Variants in PRDM1 observed in about 807,000 individuals in gnomAD.
The protein encoded by PRDM1 is PR/SET domain 1.
PRDM1 carries 13 observed loss-of-function variants against 62.8 expected under a neutral mutation model. The ratio of observed to expected loss-of-function variants is 0.21; its 90% CI spans 0.13 to 0.33. The LOEUF is 0.33. Among genes scored for constraint, PRDM1 ranks in the 10% least tolerant of loss-of-function variants. The pLI, the probability that PRDM1 is intolerant of heterozygous loss-of-function variation, is 1.00. For missense variants in PRDM1, 895 were observed against 1,058.8 expected (o/e 0.85, Z 2.15); for synonymous variants, 396 against 417.6 (o/e 0.95, Z 0.63).
chr6:106,021,295 T>C (rs1772693792), intron 1 of PRDM1, among the ~76,000 whole-genome samples: 1 of 152,172 alleles, frequency 6.6e-6, no homozygotes, highest in Non-Finnish European at 1.5e-5. Context: ...CCTTCCCTAC[T>C]CTTATTCCAA....
intron 1 of PRDM1, among the ~76,000 whole-genome samples, chr6:106,077,312 G>C (rs1773619656): frequency 6.6e-6 from 1 of 152,212 alleles, no homozygotes; most frequent in Non-Finnish European, 1.5e-5. Context: ...TGGGTTTTCA[G>C]ATACCGATGA....
chr6:106,027,376 T>C (rs1224103106), intron 1 of PRDM1, among the ~76,000 whole-genome samples: 1 of 152,234 alleles, frequency 6.6e-6, no homozygotes, highest in East Asian at 1.9e-4. Flanking sequence ...TCACCAAAGA[T>C]GTGCTCTTCT....
intron 1 of PRDM1, among the ~76,000 whole-genome samples, chr6:106,069,770 T>C (rs1171887164): frequency 6.6e-6 from 1 of 152,212 alleles, no homozygotes; most frequent in Non-Finnish European, 1.5e-5. Context: ...TCTCGTGTGC[T>C]CCACTGTAAA....
rs138723871 is a variant in PRDM1, at chr6:106,080,156, G to A, written c.-66-8045G>A. The stretch of plus-strand genomic sequence containing the variant: ...ACTCTGCCTAGCTGGTGGTGGCAGC[G>A]TAATTAGTGAGATGTCAGCTACAAA... On this transcript the variant is annotated intron_variant, in intron 1 of 6. Coordinates refer to the PRDM1 transcript ENST00000651185. 2.0e-3 allele frequency among the ~76,000 whole-genome samples: 307 copies of A among 152,322 alleles called. 2 individuals carry two copies. The highest frequency in any genetic ancestry group is 6.9e-3 in the African/African-American group (288 of 41,554).
rs73772577 is a variant in PRDM1, at chr6:106,069,569, G to A, written c.-66-18632G>A. ...ATTTGAAGATTTAGATGACGGCATCGCCTCACTCTTCTATGGTTTGGCAGC... is the reference window on the plus strand; with the variant it reads ...ATTTGAAGATTTAGATGACGGCATCACCTCACTCTTCTATGGTTTGGCAGC... On this transcript the variant is annotated intron_variant, in intron 1 of 6. Transcript: ENST00000651185. Among the ~76,000 whole-genome samples, 750 of 152,270 alleles carry A rather than the reference G, an allele frequency of 4.9e-3. 6 individuals are homozygous for A. The highest frequency in any genetic ancestry group is 0.017 in the African/African-American group (722 of 41,558).
At chr6:106,052,209 T>TCAGTTATTATAATATTGC (rs1554201386) in intron 1 of PRDM1, among the ~76,000 whole-genome samples, 1 of 2,022 alleles carries the variant, frequency 4.9e-4, no homozygotes, top group African/African-American at 2.3e-3. Flanking sequence ...TAAAGAAATA[T>TCAGTTATTATAATATTGC]TCAAAGACAT....
At chr6:106,090,390 G>T (rs941645923) in intron 2 of PRDM1, among the ~76,000 whole-genome samples, 5 of 152,120 alleles carry the variant, frequency 3.3e-5, no homozygotes, top group Admixed American at 2.0e-4. Context: ...TCCCTATCTT[G>T]CATTTAACTG....
intron 1 of PRDM1, among the ~76,000 whole-genome samples, chr6:106,051,275 T>C (rs1343296283): frequency 2.0e-5 from 3 of 152,206 alleles, no homozygotes; most frequent in Admixed American, 2.0e-4. Flanking sequence ...ACTCTTTGAG[T>C]TGGACCTGGC....
chr6:106,011,618 A>AC (rs1428705318), intron 1 of PRDM1, among the ~76,000 whole-genome samples: 2 of 151,028 alleles, frequency 1.3e-5, no homozygotes, highest in Middle Eastern at 3.4e-3. Flanking sequence ...CTGCCTTCTC[A>AC]CCCCCCGCCC....
chr6:106,008,243 C>T (rs540590041), intron 1 of PRDM1, among the ~76,000 whole-genome samples: 13 of 152,168 alleles, frequency 8.5e-5, no homozygotes, highest in African/African-American at 2.9e-4. Flanking sequence ...CGTGGTGGCG[C>T]GCGCCTGTAG....
intron 2 of PRDM1, among the ~76,000 whole-genome samples, chr6:106,089,352 T>G (rs1773901284): frequency 6.6e-6 from 1 of 152,172 alleles, no homozygotes; most frequent in Admixed American, 6.5e-5. Flanking sequence ...TATTACTTCC[T>G]TCAGAAAGTA....
At chr6:106,015,923 C>T (rs1772613667) in intron 1 of PRDM1, among the ~76,000 whole-genome samples, 1 of 152,094 alleles carries the variant, frequency 6.6e-6, no homozygotes, top group East Asian at 1.9e-4. Flanking sequence ...ACACTGTCAA[C>T]ATTATCTGTT....
At chr6:105,996,761 T>A (rs1350779047) in intron 1 of PRDM1, among the ~76,000 whole-genome samples, 1 of 152,236 alleles carries the variant, frequency 6.6e-6, no homozygotes, top group Non-Finnish European at 1.5e-5. Context: ...CTTGGGATTC[T>A]ATATCTATTT....
chr6:105,995,225 T>A (rs866847137), intron 1 of PRDM1, among the ~76,000 whole-genome samples: 1 of 152,098 alleles, frequency 6.6e-6, no homozygotes, highest in Non-Finnish European at 1.5e-5. Context: ...CTACCCGGCG[T>A]TGTCACGTTC....
Position 106,086,382 on chromosome 6 carries a change from G to A in PRDM1, c.-172G>A. ...TGACACTCGGCCCTCCAGTGTTGCG[G>A]AGAGGCAAGAGCAGCGACCGCGGCA... On this transcript the variant is annotated 5_prime_UTR_variant, in exon 1 of 7. Transcript: ENST00000369096. 4 of 579,008 alleles carry A rather than the reference G, an allele frequency of 6.9e-6. No individual in the cohort carries two copies. The highest frequency in any genetic ancestry group is 3.8e-4 in the Middle Eastern group (1 of 2,642). The allele number at this position is 579,008 out of a possible 1,614,324, so 35.9% of individuals were successfully genotyped here.
At chr6:106,074,522 A>T (rs1394361803) in intron 1 of PRDM1, among the ~76,000 whole-genome samples, 1 of 152,242 alleles carries the variant, frequency 6.6e-6, no homozygotes, top group Non-Finnish European at 1.5e-5. Flanking sequence ...ACTTAATTAA[A>T]TATTATATAA....
intron 1 of PRDM1, among the ~76,000 whole-genome samples, chr6:106,058,298 C>T (rs1418930875): frequency 1.3e-5 from 2 of 152,312 alleles, no homozygotes; most frequent in East Asian, 3.9e-4. Context: ...CAGACAACTT[C>T]TCACTTGTTG....
intron 1 of PRDM1, among the ~76,000 whole-genome samples, chr6:106,017,421 A>T (rs1772634905): frequency 6.6e-6 from 1 of 152,220 alleles, no homozygotes; most frequent in African/African-American, 2.4e-5. Context: ...GCTAATAGAA[A>T]ACACTCTTGC....
chr6:106,008,101 G>A (rs1277884108), intron 1 of PRDM1, among the ~76,000 whole-genome samples: 1 of 152,190 alleles, frequency 6.6e-6, no homozygotes, highest in Non-Finnish European at 1.5e-5. Flanking sequence ...GGCTGGGCGC[G>A]GTGGCTCACG....
Sources: gnomAD v4.1 joint callset for allele counts (sites outside exome capture counted in the v4.1 genomes callset) on GRCh38, gnomAD v4.1.1 for gene constraint, MANE v1.5 for transcripts, NCBI Gene and HGNC (gene_info 2026-07-23, HGNC 2026-07-21) for gene names.